Variants in PRKDC observed in about 807,000 individuals in gnomAD.
PRKDC encodes protein kinase, DNA-activated, catalytic subunit.
PRKDC carries 82 observed loss-of-function variants against 486.9 expected under a neutral mutation model. The observed-to-expected ratio is 0.17, with a 90% CI of 0.14 to 0.20. PRKDC has a LOEUF of 0.20. Among genes scored for constraint, PRKDC ranks in the 10% least tolerant of loss-of-function variants. PRKDC has a pLI of 1.00. For missense variants in PRKDC, 4,504 were observed against 5,038.2 expected (o/e 0.89, Z 3.21); for synonymous variants, 1,895 against 1,837.0 (o/e 1.03, Z -0.81).
intron 54 of PRKDC, among the ~76,000 whole-genome samples, chr8:47,843,443 T>C (rs1331843652): frequency 6.6e-6 from 1 of 152,190 alleles, no homozygotes; most frequent in African/African-American, 2.4e-5. Context: ...CTTATTGGAA[T>C]TCCTGAAAGA....
chr8:47,898,211 T>G (rs2154502160), intron 29 of PRKDC, among the ~76,000 whole-genome samples: 2 of 152,346 alleles, frequency 1.3e-5, no homozygotes, highest in South Asian at 4.1e-4. Context: ...ATAAAACGTC[T>G]GTTACAAAAC....
At chr8:47,927,531 G>A (rs2090173740) in intron 20 of PRKDC, among the ~76,000 whole-genome samples, 178 bp from the exon 21 acceptor site, 1 of 152,212 alleles carries the variant, frequency 6.6e-6, no homozygotes, top group Admixed American at 6.5e-5. Flanking sequence ...CTCTGTGGCT[G>A]TGGTATACCG....
At chr8:47,793,971 G>A (rs895461715) in intron 74 of PRKDC, among the ~76,000 whole-genome samples, 52 of 152,256 alleles carry the variant, frequency 3.4e-4, no homozygotes, top group African/African-American at 9.9e-4. Context: ...AGGAAGAGTC[G>A]TTCTGTGTAT....
chr8:47,795,171 C>G (rs570384303), intron 73 of PRKDC, among the ~76,000 whole-genome samples: 1 of 150,942 alleles, frequency 6.6e-6, no homozygotes, highest in African/African-American at 2.4e-5. Context: ...TAGGCGTGAG[C>G]CACCGTGCCT....
chr8:47,957,816 G>A (rs930887455), intron 1 of PRKDC, among the ~76,000 whole-genome samples: 4 of 152,062 alleles, frequency 2.6e-5, no homozygotes, highest in African/African-American at 9.7e-5. Flanking sequence ...GCCTGGCCAA[G>A]GTTGCAACGG....
chr8:47,954,409 T>C lies in PRKDC; in HGVS notation c.437A>G (p.Glu146Gly). 7.2e-7 allele frequency: 1 copy of C among 1,388,812 alleles called. No individual in the cohort carries two copies. Among genetic ancestry groups the C allele is most frequent in the Middle Eastern group, 1.8e-4 (1 of 5,514 alleles). 86.0% of individuals were successfully genotyped at this position (1,388,812 alleles called of 1,614,324 possible). Residue 146 changes from glutamate (E) to glycine (G), a missense_variant, in exon 5 of 86, where the codon GAA (glutamate) becomes GGA (glycine). Around this residue, in one of 6 missense-constraint regions of PRKDC, gnomAD observed 1,969 missense variants for 2,068.9 expected, o/e 0.95. Transcript: ENST00000314191. ...ACTAAATAATTCTCCAATTTTAAAT[T>C]CATCCATGAGTCTAGAACTTCTAAA... Reference protein sequence around the residue: ...QTFRSSRLMDEFKIGELFSKF... With the variant: ...QTFRSSRLMDGFKIGELFSKF...
chr8:47,868,714 T>C (rs2088874489), intron 40 of PRKDC, among the ~76,000 whole-genome samples: 2 of 152,044 alleles, frequency 1.3e-5, no homozygotes. Flanking sequence ...GAACCAAAAA[T>C]CAGGTGAGTG....
intron 58 of PRKDC, among the ~76,000 whole-genome samples, 197 bp downstream of exon 58, chr8:47,836,141 C>T (rs1464731496): frequency 1.3e-5 from 2 of 152,204 alleles, no homozygotes; most frequent in African/African-American, 2.4e-5. Context: ...ACCCTGGCAC[C>T]TGGCACTCTA....
Position 47,877,830 on chromosome 8 carries a change from A to T in PRKDC, c.5257T>A (p.Ser1753Thr). 1 of 1,546,802 alleles carries T rather than the reference A, an allele frequency of 6.5e-7. No homozygotes were observed. Among genetic ancestry groups the T allele is most frequent in the Non-Finnish European group, 8.7e-7 (1 of 1,144,668 alleles). ...AATTCCAACAACATAGGGCTTTGAG[A>T]TAATTCCAATGCATCTAGAAACTAG... is the stretch of plus-strand genomic sequence containing the variant. ...MKKFLDALEL[S>T]QSPMLLELMT... The change falls in exon 40 of 86, where the codon TCT (serine) becomes ACT (threonine). Residue 1753 changes from serine to threonine, a missense_variant. Physicochemically the swap from Ser to Thr is moderately conservative, Grantham distance 58 (BLOSUM62 1). Transcript: ENST00000314191.
chr8:47,836,677 C>T (rs1277127512), intron 57 of PRKDC, 150 bp from the exon 58 acceptor site: 2 of 776,958 alleles, frequency 2.6e-6, no homozygotes, highest in Non-Finnish European at 3.9e-6. Flanking sequence ...AGAACCTTCT[C>T]TAATTTAAAA....
At position 47,783,952 on chromosome 8, in the gene PRKDC, G is replaced by A. The variant is rs1279858404; in HGVS notation, c.11108-143C>T. ...GAAAAGTTTTCACTTAAAGGGAACT[G>A]ACTTTAAAAAAAATGTTATTTCTCG... is the stretch of plus-strand genomic sequence containing the variant. On this transcript the variant is annotated intron_variant, in intron 77 of 85. Coordinates refer to ENST00000314191, the MANE Select transcript of PRKDC (RefSeq NM_006904.7). 21 of 798,100 alleles carry A rather than the reference G, an allele frequency of 2.6e-5. No homozygotes were observed. In the South Asian group the frequency reaches 3.3e-4, roughly 12 times the overall value. 49.4% of individuals were successfully genotyped at this position (798,100 alleles called of 1,614,324 possible).
chr8:47,785,793 T>C (rs1364303087), intron 76 of PRKDC, among the ~76,000 whole-genome samples: 1 of 151,574 alleles, frequency 6.6e-6, no homozygotes, highest in Non-Finnish European at 1.5e-5. Flanking sequence ...CTCTAAAACA[T>C]CCAGTCTGCC....
At position 47,840,205 on chromosome 8, in the gene PRKDC, T is replaced by C. The variant is rs541716912; in HGVS notation, c.7281-16A>G. On this transcript the variant is annotated splice_polypyrimidine_tract_variant and intron_variant, in intron 54 of 85. Transcript: ENST00000314191. The stretch of plus-strand genomic sequence containing the variant: ...TTCATCATCTCTATGGGAGAGATTT[T>C]AAAAACACACAAATTTAGCTATTTT... The C allele has an allele frequency of 1.3e-6, 2 of 1,556,046 alleles. No homozygotes were observed. Among genetic ancestry groups the C allele is most frequent in the East Asian group, 2.3e-5 (1 of 43,940 alleles).
At position 47,859,766 on chromosome 8, in the gene PRKDC, T is replaced by C. The variant is rs2088632254; in HGVS notation, c.6059-7A>G. 6.2e-7 allele frequency: 1 copy of C among 1,604,268 alleles called. No individual in the cohort carries two copies. The highest frequency in any genetic ancestry group is 8.5e-7 in the Non-Finnish European group (1 of 1,173,326). On this transcript the variant is annotated splice_region_variant and splice_polypyrimidine_tract_variant and intron_variant, in intron 45 of 85. Transcript: ENST00000314191. Reference sequence around the variant, plus strand: ...GACATATAGGAAGGACCATCTGAAATATAAAAAAGGAGAAAATTACATGTA... The same window carrying C: ...GACATATAGGAAGGACCATCTGAAACATAAAAAAGGAGAAAATTACATGTA...
chr8:47,910,599 C>T (rs1263970188), intron 25 of PRKDC, among the ~76,000 whole-genome samples: 3 of 152,156 alleles, frequency 2.0e-5, no homozygotes, highest in African/African-American at 7.2e-5. Context: ...AGCGTGCAAC[C>T]CTTTCAAAAT....
intron 26 of PRKDC, among the ~76,000 whole-genome samples, chr8:47,903,466 C>T (rs2089722543): frequency 6.6e-6 from 1 of 152,220 alleles, no homozygotes; most frequent in African/African-American, 2.4e-5. Flanking sequence ...TTATCTGCTA[C>T]ATATAAAATC....
intron 45 of PRKDC, 83 bp from the exon 46 acceptor site, chr8:47,859,842 AAATT>A: frequency 7.5e-7 from 1 of 1,328,286 alleles, no homozygotes; most frequent in Non-Finnish European, 1.0e-6. Flanking sequence ...AATGATATGA[AAATT>A]AAAGCACATT....
Position 47,773,501 on chromosome 8 carries a change from A to G in PRKDC, c.*672T>C, listed in dbSNP as rs955707389. 1.4e-4 allele frequency: 31 copies of G among 220,180 alleles called. No individual in the cohort carries two copies. Among genetic ancestry groups the G allele is most frequent in the Non-Finnish European group, 2.2e-4 (24 of 109,996 alleles). 13.6% of individuals were successfully genotyped at this position (220,180 alleles called of 1,614,324 possible). ...CTTCCAGTTGTAGATTGGAATAGCA[A>G]AAGTGAATGCTATGACCAAAATTTT... On this transcript the variant is annotated 3_prime_UTR_variant, in exon 86 of 86. Coordinates refer to ENST00000314191, the MANE Select transcript of PRKDC (RefSeq NM_006904.7).
rs747014454 is a variant in PRKDC at position 47,778,653 on chromosome 8, A to G, written c.11659T>C (p.Phe3887Leu). The change falls in exon 83 of 86, where the codon TTC becomes CTC. Residue 3887 changes from phenylalanine (F) to leucine (L), a missense_variant. This residue lies in a region of PRKDC where 706 missense variants were observed against 945.0 expected (regional missense o/e 0.75). Coordinates refer to ENST00000314191, the MANE Select transcript of PRKDC (RefSeq NM_006904.7). ...KVPADLLKRA[F>L]VRMSTSPEAF... Reference sequence around the variant, plus strand: ...TCAGGGCTTGTACTCATCCTCACGAAGGCCCGCCTACAAAAGAGACACAGC... The same window carrying G: ...TCAGGGCTTGTACTCATCCTCACGAGGGCCCGCCTACAAAAGAGACACAGC... 4 of 1,613,348 alleles carry G rather than the reference A, an allele frequency of 2.5e-6. No homozygotes were observed. The Admixed American group carries it at 6.7e-5, about 27-fold the overall frequency.
Sources: allele counts gnomAD v4.1 joint callset (sites outside exome capture counted in the v4.1 genomes callset), GRCh38; gene constraint gnomAD v4.1.1; regional missense constraint gnomAD v4.1.1; transcripts MANE v1.5; gene names NCBI Gene and HGNC (gene_info 2026-07-23, HGNC 2026-07-21).